SMC3: variants seen among roughly 807,000 people sequenced by gnomAD.
The protein encoded by SMC3 is structural maintenance of chromosomes 3, also known as structural maintenance of chromosomes protein 3.
Under a neutral mutation model 171.8 loss-of-function variants are expected in SMC3, and 20 were observed. That is an observed-to-expected ratio of 0.12 (90% CI 0.08 to 0.17). The LOEUF (loss-of-function observed/expected upper bound fraction) is 0.17. SMC3 is among the 10% of genes least tolerant of loss of function. The pLI, the probability that SMC3 is intolerant of heterozygous loss-of-function variation, is 1.00. For missense variants in SMC3, 543 were observed against 1,420.4 expected (o/e 0.38, Z 9.93); for synonymous variants, 464 against 451.1 (o/e 1.03, Z -0.36).
rs1230381435 is a variant in SMC3, at chr10:110,569,007, GTGAT to G, written c.88_91del (p.Ile30TrpfsTer81). ...AGATCCCTTCAGTTCAAAACATAAT[GTGAT>G]TGGTAAGTGTTCTTGGTTTACTCGG... is the stretch of plus-strand genomic sequence containing the variant. On this transcript the variant is annotated frameshift_variant and splice_region_variant, in exon 2 of 29. Transcript: ENST00000361804. LOFTEE classifies it high-confidence loss of function. The G allele has an allele frequency of 6.3e-7, 1 of 1,592,966 alleles. No individual in the cohort carries two copies. Among genetic ancestry groups the G allele is most frequent in the Non-Finnish European group, 8.6e-7 (1 of 1,160,904 alleles).
chr10:110,600,511 G>T lies in SMC3; in HGVS notation c.2500G>T (p.Glu834Ter). 6.3e-7 allele frequency: 1 copy of T among 1,588,556 alleles called. No individual in the cohort carries two copies. Among genetic ancestry groups the T allele is most frequent in the South Asian group, 1.1e-5 (1 of 90,544 alleles). ...IITRVETYLNENLRKRLDQVE... is the reference protein window; with the variant it reads ...IITRVETYLN ...TACTCGAGTAGAGACTTATCTCAAT[G>T]AGAATCTGAGAAAACGCTTGGACCA... The change falls in exon 22 of 29, where the codon GAG becomes TAG. Residue 834 changes from glutamate (E) to a stop codon, truncating the protein, a stop_gained. Transcript: ENST00000361804. LOFTEE classifies it high-confidence loss of function.
In SMC3 at chr10:110,602,151, T is replaced by C. The variant is rs772207718; in HGVS notation, c.3078T>C (p.Tyr1026=). The change falls in exon 25 of 29, where the codon TAT becomes TAC. Residue 1026 remains tyrosine, a synonymous_variant. Coordinates refer to ENST00000361804, the MANE Select transcript of SMC3 (RefSeq NM_005445.4). ...TGAATGTACTTGAACTTCGGAAATA[T>C]GAAGCTATTCAGTTAACTTTCAAAC... ...ELMNVLELRK[Y]EAIQLTFKQV... The C allele has an allele frequency of 1.9e-6, 3 of 1,613,704 alleles. No individual in the cohort carries two copies. The highest frequency in any genetic ancestry group is 1.1e-5 in the South Asian group (1 of 91,048).
intron 13 of SMC3, among the ~76,000 whole-genome samples, chr10:110,585,218 G>A (rs1173551904): frequency 1.3e-5 from 2 of 150,424 alleles, no homozygotes; most frequent in Non-Finnish European, 3.0e-5. Flanking sequence ...AACCTCAGGT[G>A]ATCTGCCTGC....
intron 6 of SMC3, 89 bp downstream of exon 6, chr10:110,578,003 C>G (rs1860978301): frequency 3.4e-6 from 3 of 883,618 alleles, no homozygotes; most frequent in Non-Finnish European, 5.6e-6. Context: ...GTCTCGAACT[C>G]TTGGCCTCAA....
intron 1 of SMC3, 128 bp downstream of exon 1, chr10:110,567,959 T>C: frequency 1.7e-6 from 2 of 1,185,366 alleles, no homozygotes; most frequent in Admixed American, 2.1e-5. Flanking sequence ...GGGCGGGGAC[T>C]GTGGGGGAGG....
At chr10:110,600,305 T>G in intron 21 of SMC3, 134 bp from the exon 22 acceptor site, 1 of 652,618 alleles carries the variant, frequency 1.5e-6, no homozygotes, top group South Asian at 1.9e-5. Flanking sequence ...AGTATAGGGC[T>G]TTTTTGAAGA....
intron 25 of SMC3, 108 bp downstream of exon 25, chr10:110,602,286 A>G: frequency 2.8e-6 from 3 of 1,071,010 alleles, no homozygotes; most frequent in Non-Finnish European, 4.3e-6. Flanking sequence ...AGGTGAATCT[A>G]ATACATGTGA....
rs545007831 is a variant in SMC3, at chr10:110,574,119, C to A, written c.130+374C>A. Among the ~76,000 whole-genome samples the A allele has an allele frequency of 2.6e-5, 4 of 152,206 alleles. No individual in the cohort carries two copies. The East Asian group carries it at 7.7e-4, about 29-fold the overall frequency. Reference sequence around the variant, plus strand: ...AAATGTTATAAATGCATATTTTAAACGTATGTAAATGCAGTAGAATAGTTG... The same window carrying A: ...AAATGTTATAAATGCATATTTTAAAAGTATGTAAATGCAGTAGAATAGTTG... On this transcript the variant is annotated intron_variant, in intron 3 of 28. Transcript: ENST00000361804.
chr10:110,576,150 C>A (rs1860945420), intron 4 of SMC3, among the ~76,000 whole-genome samples: 1 of 152,126 alleles, frequency 6.6e-6, no homozygotes, highest in Non-Finnish European at 1.5e-5. Context: ...ACACAAAAGT[C>A]TGTTTTATAA....
At chr10:110,586,614 A>G (rs149970067) in intron 13 of SMC3, among the ~76,000 whole-genome samples, 90 of 152,270 alleles carry the variant, frequency 5.9e-4, no homozygotes, top group African/African-American at 2.1e-3. Context: ...GTAAAGATGA[A>G]GCCTTTCCTT....
chr10:110,589,773 C>CT (rs1158152738), intron 14 of SMC3, 65 bp downstream of exon 14: 1 of 1,423,790 alleles, frequency 7.0e-7, no homozygotes. Context: ...GTTATGTGGT[C>CT]TTTAAGTTAC....
intron 10 of SMC3, 151 bp downstream of exon 10, chr10:110,582,793 T>C (rs926681514): frequency 4.4e-6 from 3 of 682,270 alleles, no homozygotes; most frequent in African/African-American, 1.8e-5. Context: ...CGCAGCTTCC[T>C]GAATAGCTGG....
At chr10:110,583,682 A>G (rs1033535482) in intron 11 of SMC3, 134 bp downstream of exon 11, 10 of 1,194,640 alleles carry the variant, frequency 8.4e-6, no homozygotes, top group Non-Finnish European at 1.2e-5. Context: ...TTTGTACTCA[A>G]GTAACAACTT....
chr10:110,569,771 A>G (rs1225832118), intron 2 of SMC3, among the ~76,000 whole-genome samples: 1 of 152,252 alleles, frequency 6.6e-6, no homozygotes, highest in African/African-American at 2.4e-5. Context: ...AAGTGTGAAG[A>G]TAAAGAGCTA....
chr10:110,568,444 A>G, intron 1 of SMC3: 1 of 171,158 alleles, frequency 5.8e-6, no homozygotes, highest in Non-Finnish European at 1.2e-5. Flanking sequence ...CTCCACCACA[A>G]AGATGAGCCC....
At chr10:110,583,242 G>A (rs1217743665) in intron 10 of SMC3, 142 bp from the exon 11 acceptor site, 5 of 703,472 alleles carry the variant, frequency 7.1e-6, no homozygotes, top group Non-Finnish European at 9.7e-6. Context: ...ATTATGGAAT[G>A]ATTACACAAG....
intron 1 of SMC3, among the ~76,000 whole-genome samples, chr10:110,568,101 G>A (rs1366920138): frequency 1.3e-5 from 2 of 152,090 alleles, no homozygotes; most frequent in Non-Finnish European, 2.9e-5. Flanking sequence ...GGAAGGGCCG[G>A]CGGGCGGGCC....
chr10:110,595,175 TCTC>T (rs1224165176), intron 18 of SMC3, among the ~76,000 whole-genome samples: 1 of 152,158 alleles, frequency 6.6e-6, no homozygotes, highest in African/African-American at 2.4e-5. Flanking sequence ...AGACGGGGTT[TCTC>T]TATGTTGGTC....
intron 15 of SMC3, 122 bp downstream of exon 15, chr10:110,590,113 T>C (rs1048677704): frequency 1.3e-6 from 1 of 781,540 alleles, no homozygotes; most frequent in Non-Finnish European, 2.2e-6. Context: ...GAGTCCAAAT[T>C]ATCTTCTAAA....
Sources: gnomAD v4.1 joint callset for allele counts (sites outside exome capture counted in the v4.1 genomes callset) on GRCh38, gnomAD v4.1.1 for gene constraint, MANE v1.5 for transcripts, NCBI Gene and HGNC (gene_info 2026-07-23, HGNC 2026-07-21) for gene names.